EPS8L1: variants seen among roughly 807,000 people sequenced by gnomAD.
EPS8L1 encodes the protein EPS8 signaling adaptor L1, also known as epidermal growth factor receptor kinase substrate 8-like protein 1.
EPS8L1 carries 101 observed loss-of-function variants against 91.7 expected under a neutral mutation model. The observed-to-expected ratio is 1.10, with a 90% CI of 0.94 to 1.30. The LOEUF (loss-of-function observed/expected upper bound fraction) is 1.30, where lower values mean the gene tolerates loss of function less well. EPS8L1 is among the 50% of genes most tolerant of loss of function. The pLI, the probability that EPS8L1 is intolerant of heterozygous loss-of-function variation, is 0.00. For synonymous variants in EPS8L1, 506 were observed against 445.3 expected, an observed-to-expected ratio of 1.14 and a Z score of -1.72; for missense variants, 1,114 against 1,017.0, an observed-to-expected ratio of 1.10 and a Z score of -1.30.
Position 55,081,990 on chromosome 19 carries a change from C to T in EPS8L1, c.901+91C>T, listed in dbSNP as rs760315869. 1.3e-6 allele frequency: 2 copies of T among 1,552,964 alleles called. No homozygotes were observed. The highest frequency in any genetic ancestry group is 1.2e-5 in the South Asian group (1 of 85,242). ...CCAGGCTCTCCCCTCCCGCCACTTGCCAGGGCTGACCTCACCGCCATCTTA... is the reference window on the plus strand; with the variant it reads ...CCAGGCTCTCCCCTCCCGCCACTTGTCAGGGCTGACCTCACCGCCATCTTA... On this transcript the variant is annotated intron_variant, in intron 9 of 19. Transcript: ENST00000201647. This position sits in a 1 kb window ranked among gnomAD's most constrained non-coding sequence, Gnocchi z 4.9.
intron 4 of EPS8L1, 114 bp from the exon 5 acceptor site, chr19:55,079,576 G>C (rs997174153): frequency 6.3e-6 from 8 of 1,272,622 alleles, no homozygotes; most frequent in South Asian, 1.5e-5. Flanking sequence ...ATCAAGGAAG[G>C]CTTCCTGGAG....
Position 55,087,579 on chromosome 19 carries a change from A to C in EPS8L1, c.2137A>C (p.Lys713Gln), listed in dbSNP as rs769004815. Reference sequence around the variant, plus strand: ...GGCAGTGATGGAGAAGCAAAAGAAGAAGGTGGAAGGCGAGGTGGAAATGGA... The same window carrying C: ...GGCAGTGATGGAGAAGCAAAAGAAGCAGGTGGAAGGCGAGGTGGAAATGGA... ...LEAVMEKQKKKVEGEVEMEVI is the reference protein window; with the variant it reads ...LEAVMEKQKKQVEGEVEMEVI Residue 713 changes from lysine (K) to glutamine (Q), a missense_variant, in exon 20 of 20, where the codon AAG (lysine) becomes CAG (glutamine). By Grantham distance (53) the Lys-to-Gln change is moderately conservative. Coordinates refer to ENST00000201647, the MANE Select transcript of EPS8L1 (RefSeq NM_133180.3). 4 of 1,613,940 alleles carry C rather than the reference A, an allele frequency of 2.5e-6. No individual in the cohort carries two copies. The African/African-American group carries it at 5.3e-5, about 22-fold the overall frequency.
At chr19:55,077,878 C>T (rs534025217) in intron 2 of EPS8L1, among the ~76,000 whole-genome samples, 7 of 150,420 alleles carry the variant, frequency 4.7e-5, no homozygotes, top group African/African-American at 1.2e-4. Flanking sequence ...TGAGCCACCG[C>T]GCCCAGCCTA....
chr19:55,087,657 A>G lies in EPS8L1; in HGVS notation c.*43A>G. On this transcript the variant is annotated 3_prime_UTR_variant, in exon 20 of 20. Transcript: ENST00000201647. ...GCAAAGAGTGACGAGGCCCCGTGGGAGAACGGACTCCTCAGACTCTCCCCA... is the reference window on the plus strand; with the variant it reads ...GCAAAGAGTGACGAGGCCCCGTGGGGGAACGGACTCCTCAGACTCTCCCCA... 1 of 1,596,426 alleles carries G rather than the reference A, an allele frequency of 6.3e-7. No individual in the cohort carries two copies. The highest frequency in any genetic ancestry group is 8.6e-7 in the Non-Finnish European group (1 of 1,165,906).
Position 55,087,696 on chromosome 19 carries a change from A to C in EPS8L1, c.*82A>C, listed in dbSNP as rs1434873237. 2 of 1,453,274 alleles carry C rather than the reference A, an allele frequency of 1.4e-6. No individual in the cohort carries two copies. Among genetic ancestry groups the C allele is most frequent in the Non-Finnish European group, 1.9e-6 (2 of 1,049,414 alleles). The allele number at this position is 1,453,274 out of a possible 1,614,324, so 90.0% of individuals were successfully genotyped here. ...AGACTCTCCCCAATAGCGGAAGTCG[A>C]TCTTCTGAAGGATGGCCAATCTGCT... On this transcript the variant is annotated 3_prime_UTR_variant, in exon 20 of 20. Transcript: ENST00000201647.
chr19:55,081,869 G>C lies in EPS8L1; in HGVS notation c.871G>C (p.Gly291Arg). The C allele has an allele frequency of 6.2e-7, 1 of 1,608,162 alleles. No homozygotes were observed. The highest frequency in any genetic ancestry group is 8.5e-7 in the Non-Finnish European group (1 of 1,176,870). Residue 291 changes from glycine (G) to arginine (R), a missense_variant, in exon 9 of 20, where the codon GGC (glycine) becomes CGC (arginine). Physicochemically the swap from Gly to Arg is moderately radical, Grantham distance 125. Transcript: ENST00000201647. This position sits in a 1 kb window ranked among gnomAD's most constrained non-coding sequence, Gnocchi z 4.9. ...AARVLEHRERGRRSRRRAAGE... is the reference protein window; with the variant it reads ...AARVLEHRERRRRSRRRAAGE... ...CAGGGTGCTGGAGCACCGGGAACGC[G>C]GCCGCAGGAGCCGGCGCCGGGCGGC... is the stretch of plus-strand genomic sequence containing the variant.
In EPS8L1 at chr19:55,082,160, A is replaced by T; in HGVS notation, c.970A>T (p.Lys324Ter). ...AEYTDVLQKI[K>*]YAFSLLARLR... ...GTACACCGACGTGCTGCAGAAGATC[A>T]AGTACGCCTTCAGCCTGCTGGTGAG... Residue 324 changes from lysine to a stop codon, truncating the protein, a stop_gained, in exon 10 of 20, where the codon AAG becomes TAG. Transcript: ENST00000201647. LOFTEE classifies it high-confidence loss of function. 2 of 1,602,768 alleles carry T rather than the reference A, an allele frequency of 1.2e-6. No homozygotes were observed. The highest frequency in any genetic ancestry group is 1.7e-6 in the Non-Finnish European group (2 of 1,175,318).
chr19:55,077,938 T>C (rs997567722), intron 2 of EPS8L1, 150 bp from the exon 3 acceptor site: 2 of 222,154 alleles, frequency 9.0e-6, no homozygotes, highest in Non-Finnish European at 1.6e-5. Flanking sequence ...TGCTCAATAA[T>C]AATAATAATA....
In EPS8L1 at chr19:55,081,768, C is replaced by T; in HGVS notation, c.775-5C>T. 1 of 1,608,348 alleles carries T rather than the reference C, an allele frequency of 6.2e-7. No homozygotes were observed. The highest frequency in any genetic ancestry group is 8.5e-7 in the Non-Finnish European group (1 of 1,176,326). ...CCCTGAGCGTCCCCCTCCTCTGTCC[C>T]CTAGGACATCCTGAACCACGTGTTC... is the stretch of plus-strand genomic sequence containing the variant. On this transcript the variant is annotated splice_polypyrimidine_tract_variant and splice_region_variant and intron_variant, in intron 8 of 19. Transcript: ENST00000201647. The surrounding 1 kb of genome is among the most constrained non-coding windows in gnomAD (Gnocchi z 4.9).
chr19:55,086,312 A>T (rs1602956105), intron 16 of EPS8L1, 80 bp from the exon 17 acceptor site: 1 of 1,609,434 alleles, frequency 6.2e-7, no homozygotes, highest in South Asian at 1.1e-5. Context: ...GGGGGTTCAG[A>T]AATGCATCTC....
At chr19:55,078,030 T>C in intron 2 of EPS8L1, 58 bp from the exon 3 acceptor site, 1 of 1,567,496 alleles carries the variant, frequency 6.4e-7, no homozygotes, top group Non-Finnish European at 8.8e-7. Context: ...CTGCTTGGCA[T>C]TTCCACAGGA....
rs2147155312 is a variant in EPS8L1, at chr19:55,083,393, G to A, written c.1230G>A (p.Pro410=). The change falls in exon 13 of 20, where the codon CCG becomes CCA. Residue 410 remains proline (P), a synonymous_variant. Transcript: ENST00000201647. The surrounding 1 kb of genome is among the most constrained non-coding windows in gnomAD (Gnocchi z 4.7). ...CTGGCCGCAGGCTGGAGCTGTCCCCGGAGGAGGGACCCCCATACAGACCCG... is the reference window on the plus strand; with the variant it reads ...CTGGCCGCAGGCTGGAGCTGTCCCCAGAGGAGGGACCCCCATACAGACCCG... ...SWTRPGLELS[P]EEGPPYRPEF... 6.2e-7 allele frequency: 1 copy of A among 1,613,070 alleles called. No homozygotes were observed. The highest frequency in any genetic ancestry group is 1.1e-5 in the South Asian group (1 of 91,074).
intron 6 of EPS8L1, 193 bp from the exon 7 acceptor site, chr19:55,080,579 G>A (rs769142334): frequency 5.6e-6 from 9 of 1,606,098 alleles, no homozygotes; most frequent in South Asian, 3.3e-5. Context: ...GTCTCCATGG[G>A]CGGGGTCGTG....
intron 2 of EPS8L1, among the ~76,000 whole-genome samples, chr19:55,077,615 A>G (rs1654470): frequency 0.75 from 93,760 of 124,600 alleles, 35,228 homozygotes; most frequent in African/African-American, 0.82. Context: ...TTTGAGATGG[A>G]GTCTCACTCT....
At chr19:55,077,817 G>C (rs1208880501) in intron 2 of EPS8L1, among the ~76,000 whole-genome samples, 1 of 150,994 alleles carries the variant, frequency 6.6e-6, no homozygotes, top group Admixed American at 6.6e-5. Flanking sequence ...TCAATCTCTT[G>C]ACTTTGTGAT....
chr19:55,087,251 G>A, intron 18 of EPS8L1, 52 bp from the exon 19 acceptor site: 1 of 1,546,368 alleles, frequency 6.5e-7, no homozygotes, highest in Non-Finnish European at 8.7e-7. Context: ...TGATTGTCCG[G>A]GCTGGGGCAT....
In EPS8L1 at chr19:55,086,101, C is replaced by T. The variant is rs753492920; in HGVS notation, c.1559C>T (p.Pro520Leu). Residue 520 changes from proline (P) to leucine (L), a missense_variant, in exon 16 of 20, where the codon CCA becomes CTA. Coordinates refer to ENST00000201647, the MANE Select transcript of EPS8L1 (RefSeq NM_133180.3). The stretch of plus-strand genomic sequence containing the variant: ...CGTAAGTGGTGGAAGGTTCGGGACC[C>T]AGCGGGGCAGGAGGGATATGTGCCC... The part of the protein sequence containing the change: ...DSRKWWKVRD[P>L]AGQEGYVPYN... 1.2e-6 allele frequency: 2 copies of T among 1,603,474 alleles called. No individual in the cohort carries two copies. Among genetic ancestry groups the T allele is most frequent in the African/African-American group, 1.3e-5 (1 of 74,872 alleles).
intron 6 of EPS8L1, 107 bp downstream of exon 6, chr19:55,080,385 C>A (rs1357991482): frequency 3.2e-6 from 5 of 1,557,020 alleles, no homozygotes; most frequent in Non-Finnish European, 4.3e-6. Context: ...GGGGCTAAGG[C>A]GGGATCAGAG....
In EPS8L1 at chr19:55,083,074, G is replaced by A. The variant is rs1425675779; in HGVS notation, c.1215-304G>A. On this transcript the variant is annotated intron_variant, in intron 12 of 19. Transcript: ENST00000201647. The surrounding 1 kb of genome is among the most constrained non-coding windows in gnomAD (Gnocchi z 4.7). ...GGATAAGGCAATTTTTTTCCAGAGA[G>A]AGAGATGGATGGGGTCTCAATATTT... Among the ~76,000 whole-genome samples the A allele has an allele frequency of 4.6e-5, 7 of 152,186 alleles. No individual in the cohort carries two copies. The highest frequency in any genetic ancestry group is 1.7e-4 in the African/African-American group (7 of 41,450).
Sources: gnomAD v4.1 joint callset for allele counts (sites outside exome capture counted in the v4.1 genomes callset) on GRCh38, gnomAD v4.1.1 for gene constraint, Gnocchi (gnomAD v3.1) non-coding constraint, MANE v1.5 for transcripts, NCBI Gene and HGNC (gene_info 2026-07-23, HGNC 2026-07-21) for gene names.